PRKACB: variants seen among roughly 807,000 people sequenced by gnomAD.
PRKACB encodes the protein protein kinase cAMP-activated catalytic subunit beta, also known as cAMP-dependent protein kinase catalytic subunit beta.
PRKACB carries 16 observed loss-of-function variants against 51.4 expected under a neutral mutation model. The observed-to-expected ratio is 0.31, with a 90% CI of 0.21 to 0.47. The LOEUF (loss-of-function observed/expected upper bound fraction) is 0.47, where lower values mean the gene tolerates loss of function less well. Among genes scored for constraint, PRKACB ranks in the 20% least tolerant of loss-of-function variants. PRKACB has a pLI of 1.00. For missense variants in PRKACB, 309 were observed against 464.5 expected (o/e 0.67, Z 3.08); for synonymous variants, 147 against 154.4 (o/e 0.95, Z 0.35).
At chr1:84,224,867 G>C (rs563434569) in intron 9 of PRKACB, among the ~76,000 whole-genome samples, 2 of 152,360 alleles carry the variant, frequency 1.3e-5, no homozygotes, top group South Asian at 4.1e-4. Context: ...ACCAGGCAGG[G>C]AAGGCCTGTC....
At position 84,135,725 on chromosome 1, in the gene PRKACB, G is replaced by A. The variant is rs1652734726; in HGVS notation, c.47-43452G>A. Among the ~76,000 whole-genome samples, 3 of 151,974 alleles carry A rather than the reference G, an allele frequency of 2.0e-5. No individual in the cohort carries two copies. In the South Asian group the frequency reaches 6.2e-4, roughly 31 times the overall value. Reference sequence around the variant, plus strand: ...TATTTTAAGCTAAATGATAATCAGAGTACAGTTTATCAATTTTTTTTTGCA... The same window carrying A: ...TATTTTAAGCTAAATGATAATCAGAATACAGTTTATCAATTTTTTTTTGCA... On this transcript the variant is annotated intron_variant, in intron 1 of 8. Transcript: ENST00000370688.
At chr1:84,164,334 C>A in intron 1 of PRKACB, 1 of 1,545,352 alleles carries the variant, frequency 6.5e-7, no homozygotes, top group East Asian at 2.4e-5. Flanking sequence ...GTGAGGTCCA[C>A]AGCTAGCAGT....
rs576981971 is a variant in PRKACB at position 84,087,279 on chromosome 1, G to A, written c.46+8908G>A. On this transcript the variant is annotated intron_variant, in intron 1 of 8. Transcript: ENST00000370688. ...GAAAAATTAAAGTTACATGATTAAAGTGTATAAAATCAAGTGGCATAGACA... is the reference window on the plus strand; with the variant it reads ...GAAAAATTAAAGTTACATGATTAAAATGTATAAAATCAAGTGGCATAGACA... 1.3e-4 allele frequency among the ~76,000 whole-genome samples: 20 copies of A among 152,330 alleles called. No individual in the cohort carries two copies. The South Asian group carries it at 3.9e-3, about 30-fold the overall frequency.
intron 1 of PRKACB, among the ~76,000 whole-genome samples, chr1:84,087,123 A>G (rs1057171282): frequency 6.6e-6 from 1 of 152,272 alleles, no homozygotes; most frequent in African/African-American, 2.4e-5. Flanking sequence ...TTAATGTGCT[A>G]TGTGTAGTTG....
At chr1:84,196,860 AG>A (rs1225879687) in intron 6 of PRKACB, 118 bp downstream of exon 6, 1 of 1,117,368 alleles carries the variant, frequency 8.9e-7, no homozygotes, top group African/African-American at 1.6e-5. Context: ...TAATAGTTTA[AG>A]TAGAGCTCAG....
At chr1:84,195,785 C>T (rs1207677069) in intron 5 of PRKACB, among the ~76,000 whole-genome samples, 3 of 151,752 alleles carry the variant, frequency 2.0e-5, no homozygotes, top group Admixed American at 1.3e-4. Flanking sequence ...TGGTGGTGGG[C>T]GCTTGTAATC....
At chr1:84,208,440 A>G (rs1454616310) in intron 8 of PRKACB, among the ~76,000 whole-genome samples, 1 of 152,218 alleles carries the variant, frequency 6.6e-6, no homozygotes, top group South Asian at 2.1e-4. Context: ...TTATAAAACA[A>G]ATTTATAGTA....
In PRKACB at chr1:84,221,498, T is replaced by G. The variant is rs147326659; in HGVS notation, c.1071+7181T>G. Among the ~76,000 whole-genome samples the G allele has an allele frequency of 2.8e-3, 425 of 152,206 alleles. 4 individuals carry two copies. Among genetic ancestry groups the G allele is most frequent in the African/African-American group, 9.8e-3 (406 of 41,570 alleles). ...TCTACTAATTTTGTTTGGTTTGTTC[T>G]TGCTTTTCTAGTTCCTTGAGGTACG... On this transcript the variant is annotated intron_variant, in intron 9 of 9. Transcript: ENST00000370685.
chr1:84,198,689 A>T (rs923437068), intron 7 of PRKACB, among the ~76,000 whole-genome samples: 1 of 151,858 alleles, frequency 6.6e-6, no homozygotes, highest in Non-Finnish European at 1.5e-5. Context: ...ACTTTTACAA[A>T]TGTGTATATA....
exon 1 of PRKACB, chr1:84,078,307 T>A (rs758471107): frequency 6.2e-7 from 1 of 1,606,608 alleles, no homozygotes; most frequent in Non-Finnish European, 8.5e-7. Flanking sequence ...CCTGACCCCT[T>A]CTTGCCATCG....
intron 1 of PRKACB, among the ~76,000 whole-genome samples, chr1:84,081,109 A>C (rs746132351): frequency 6.6e-6 from 1 of 152,206 alleles, no homozygotes; most frequent in Non-Finnish European, 1.5e-5. Flanking sequence ...AAAAATATCA[A>C]GTCAGTTAAG....
chr1:84,144,666 A>G (rs1558015925), intron 1 of PRKACB, 118 bp downstream of exon 1: 2 of 1,093,258 alleles, frequency 1.8e-6, no homozygotes, highest in Non-Finnish European at 2.5e-6. Context: ...TCACAAGGAC[A>G]TTTTGCAAGA....
intron 1 of PRKACB, among the ~76,000 whole-genome samples, chr1:84,133,201 A>G (rs994118901): frequency 6.6e-6 from 1 of 152,162 alleles, no homozygotes; most frequent in Admixed American, 6.5e-5. Context: ...TCTCATCACC[A>G]TGCAAGCAAG....
At chr1:84,091,393 C>A (rs372484741) in intron 1 of PRKACB, among the ~76,000 whole-genome samples, 1 of 152,294 alleles carries the variant, frequency 6.6e-6, no homozygotes, top group East Asian at 1.9e-4. Context: ...GTTACATGCA[C>A]AACCTGGTTT....
At chr1:84,221,947 G>T (rs1331563042) in intron 9 of PRKACB, among the ~76,000 whole-genome samples, 1 of 152,070 alleles carries the variant, frequency 6.6e-6, no homozygotes, top group East Asian at 1.9e-4. Context: ...GGTACATTTT[G>T]TCTACAGTGC....
At chr1:84,140,546 A>C (rs183336800), upstream of PRKACB, among the ~76,000 whole-genome samples, 1 of 152,280 alleles carries the variant, frequency 6.6e-6, no homozygotes, top group Admixed American at 6.5e-5. Flanking sequence ...ATATGTTTTC[A>C]TGTTTTTCTT....
intron 1 of PRKACB, among the ~76,000 whole-genome samples, chr1:84,126,608 G>A (rs1281044933): frequency 1.3e-5 from 2 of 152,160 alleles, no homozygotes; most frequent in East Asian, 3.9e-4. Flanking sequence ...CAGGAAAACA[G>A]GAATGCATGT....
chr1:84,169,402 T>C (rs1658635460), intron 1 of PRKACB, among the ~76,000 whole-genome samples: 1 of 151,602 alleles, frequency 6.6e-6, no homozygotes, highest in Admixed American at 6.6e-5. Context: ...CATAATGTTG[T>C]GATAGGAAAA....
intron 1 of PRKACB, among the ~76,000 whole-genome samples, chr1:84,107,124 C>T (rs1333278787): frequency 6.6e-6 from 1 of 151,918 alleles, no homozygotes; most frequent in East Asian, 1.9e-4. Context: ...CAGATATGCC[C>T]CCGAACCTAA....
Sources: gnomAD v4.1 joint callset for allele counts (sites outside exome capture counted in the v4.1 genomes callset) on GRCh38, gnomAD v4.1.1 for gene constraint, MANE v1.5 for transcripts, NCBI Gene and HGNC (gene_info 2026-07-23, HGNC 2026-07-21) for gene names.